SAMMSON: variants seen among roughly 807,000 people sequenced by gnomAD.
The protein encoded by SAMMSON is long intergenic non-protein coding RNA 1212.
At chr3:70,016,458 T>C (rs961102310) in intron 3 of SAMMSON, among the ~76,000 whole-genome samples, 2 of 152,190 alleles carry the variant, frequency 1.3e-5, no homozygotes, top group African/African-American at 4.8e-5. Context: ...GTAACTTTGT[T>C]TGAGTTCATT....
chr3:70,299,966 A>G (rs1369222037), intron 7 of SAMMSON, among the ~76,000 whole-genome samples: 1 of 152,092 alleles, frequency 6.6e-6, no homozygotes, highest in East Asian at 1.9e-4. Flanking sequence ...CGTTCTCTGA[A>G]AAGAACATAC....
At chr3:70,222,175 C>T (rs1337916423) in intron 4 of SAMMSON, among the ~76,000 whole-genome samples, 1 of 152,156 alleles carries the variant, frequency 6.6e-6, no homozygotes, top group South Asian at 2.1e-4. Context: ...CTGCTGGTCT[C>T]TTTCTCTGAA....
intron 4 of SAMMSON, among the ~76,000 whole-genome samples, chr3:70,225,035 G>C (rs537826367): frequency 6.6e-6 from 1 of 152,156 alleles, no homozygotes; most frequent in Non-Finnish European, 1.5e-5. Flanking sequence ...GGTTAAAACT[G>C]TTTGGAAAAT....
At chr3:70,107,721 T>C (rs1415872439) in intron 4 of SAMMSON, among the ~76,000 whole-genome samples, 4 of 152,044 alleles carry the variant, frequency 2.6e-5, no homozygotes, top group Non-Finnish European at 5.9e-5. Flanking sequence ...GTCATACGAA[T>C]TAATAGGATA....
chr3:70,321,969 A>G (rs1702542293), intron 7 of SAMMSON, among the ~76,000 whole-genome samples: 1 of 152,064 alleles, frequency 6.6e-6, no homozygotes, highest in Admixed American at 6.6e-5. Context: ...TGCAAGCTCA[A>G]TTTATTTTAT....
intron 4 of SAMMSON, among the ~76,000 whole-genome samples, chr3:70,082,872 T>C (rs1363937430): frequency 6.6e-6 from 1 of 152,254 alleles, no homozygotes; most frequent in South Asian, 2.1e-4. Context: ...ATGTGGTTGC[T>C]ATCCCCATTT....
intron 7 of SAMMSON, among the ~76,000 whole-genome samples, chr3:70,343,580 G>T (rs1039876912): frequency 1.3e-5 from 2 of 151,996 alleles, no homozygotes; most frequent in African/African-American, 4.8e-5. Context: ...TTATATCAAG[G>T]GTATATACTT....
intron 4 of SAMMSON, chr3:70,126,564 G>C (rs763597553): frequency 1.1e-5 from 6 of 527,710 alleles, no homozygotes; most frequent in Non-Finnish European, 2.1e-5. Flanking sequence ...GTGGGGAGGA[G>C]CTTGTGCATC....
At chr3:70,349,254 A>G (rs1049216472) in intron 7 of SAMMSON, among the ~76,000 whole-genome samples, 2 of 152,022 alleles carry the variant, frequency 1.3e-5, no homozygotes, top group Non-Finnish European at 1.5e-5. Context: ...GGTGCCTGTA[A>G]TCCCAGCTAC....
intron 4 of SAMMSON, among the ~76,000 whole-genome samples, chr3:70,227,695 A>G (rs956862591): frequency 2.0e-5 from 3 of 152,202 alleles, no homozygotes; most frequent in Non-Finnish European, 4.4e-5. Context: ...GAGATGCCAG[A>G]TAGTGTTCTG....
At chr3:70,295,452 C>T (rs1263311983) in intron 7 of SAMMSON, among the ~76,000 whole-genome samples, 1 of 152,104 alleles carries the variant, frequency 6.6e-6, no homozygotes, top group Non-Finnish European at 1.5e-5. Flanking sequence ...TACTGTAATC[C>T]TAGCACTTTG....
intron 4 of SAMMSON, among the ~76,000 whole-genome samples, chr3:70,171,352 TAGA>T: frequency 6.6e-6 from 1 of 151,936 alleles, no homozygotes; most frequent in Non-Finnish European, 1.5e-5. Flanking sequence ...GAGTTATGTC[TAGA>T]AGGTTAGCTG....
chr3:70,015,423 A>T (rs2066979425), intron 3 of SAMMSON: 2 of 152,004 alleles, frequency 1.3e-5, no homozygotes, highest in Admixed American at 6.5e-5. Flanking sequence ...AAATGTTAAC[A>T]AGTCGTTTAT....
At chr3:70,125,966 G>A in intron 4 of SAMMSON, 1 of 782,204 alleles carries the variant, frequency 1.3e-6, no homozygotes, top group Non-Finnish European at 2.2e-6. Flanking sequence ...GGTGGAAGAG[G>A]TGGATGCAAT....
intron 1 of SAMMSON, among the ~76,000 whole-genome samples, chr3:70,009,630 C>G (rs1026837152): frequency 1.3e-5 from 2 of 151,872 alleles, no homozygotes; most frequent in Non-Finnish European, 2.9e-5. Context: ...TTTTGTGTCT[C>G]TATTCCCTTC....
chr3:70,252,317 C>CG (rs1287191601), intron 6 of SAMMSON, among the ~76,000 whole-genome samples: 4 of 152,062 alleles, frequency 2.6e-5, no homozygotes, highest in African/African-American at 9.7e-5. Context: ...TATGGTGTGG[C>CG]GTACAATTCT....
intron 7 of SAMMSON, among the ~76,000 whole-genome samples, chr3:70,344,271 A>G (rs1350303418): frequency 2.6e-5 from 4 of 152,172 alleles, no homozygotes; most frequent in African/African-American, 9.7e-5. Context: ...AGACGAACAG[A>G]ATAGCAGAAG....
intron 2 of SAMMSON, among the ~76,000 whole-genome samples, chr3:70,395,570 A>G (rs187779731): frequency 1.6e-3 from 247 of 152,190 alleles, no homozygotes; most frequent in African/African-American, 4.5e-3. Context: ...TACTCCTGCC[A>G]CAGTTTTACA....
intron 4 of SAMMSON, chr3:70,183,939 T>C (rs1410062321): frequency 6.6e-6 from 1 of 152,188 alleles, no homozygotes; most frequent in Non-Finnish European, 1.5e-5. Flanking sequence ...TACTTCCCCG[T>C]GGCAGAATCA....
Sources: allele counts gnomAD v4.1 joint callset (sites outside exome capture counted in the v4.1 genomes callset), GRCh38; gene constraint gnomAD v4.1.1; transcripts MANE v1.5; gene names NCBI Gene and HGNC (gene_info 2026-07-23, HGNC 2026-07-21).